Variants in ELMO1 observed in about 807,000 individuals in gnomAD.
ELMO1 encodes engulfment and cell motility protein 1.
ELMO1 carries 26 observed loss-of-function variants against 98.9 expected under a neutral mutation model. The ratio of observed to expected loss-of-function variants is 0.26; its 90% CI spans 0.19 to 0.36. The LOEUF (loss-of-function observed/expected upper bound fraction) is 0.36. Ranked by LOEUF, ELMO1 falls within the 10% of genes least tolerant of loss-of-function variation. ELMO1 has a pLI of 1.00. For missense variants in ELMO1, 627 were observed against 935.2 expected (o/e 0.67, Z 4.30); for synonymous variants, 346 against 346.0 (o/e 1.00, Z 0.00).
chr7:36,864,915 G>A (rs973896572), intron 20 of ELMO1, among the ~76,000 whole-genome samples: 1 of 152,206 alleles, frequency 6.6e-6, no homozygotes, highest in African/African-American at 2.4e-5. Context: ...CTGAGTCCTA[G>A]GGAGAGTGGA....
At chr7:37,273,719 G>A (rs1433590872) in intron 4 of ELMO1, among the ~76,000 whole-genome samples, 3 of 152,044 alleles carry the variant, frequency 2.0e-5, no homozygotes, top group African/African-American at 7.3e-5. Flanking sequence ...CTGAAGTTGG[G>A]GGTTAATAAA....
intron 13 of ELMO1, among the ~76,000 whole-genome samples, chr7:37,173,577 C>G (rs964541087): frequency 7.2e-5 from 11 of 152,178 alleles, no homozygotes; most frequent in Non-Finnish European, 1.6e-4. Flanking sequence ...AATAAGTGAG[C>G]CTAAAGGGGT....
At chr7:37,383,724 C>T (rs772037617) in intron 1 of ELMO1, among the ~76,000 whole-genome samples, 5 of 151,952 alleles carry the variant, frequency 3.3e-5, no homozygotes, top group African/African-American at 7.3e-5. Context: ...AACTATGTTA[C>T]GGGAAAAGAG....
In ELMO1 at chr7:37,124,403, A is replaced by G. The variant is rs566795936; in HGVS notation, c.1191+8727T>C. Among the ~76,000 whole-genome samples, 10 of 152,290 alleles carry G rather than the reference A, an allele frequency of 6.6e-5. No individual in the cohort carries two copies. In the South Asian group the frequency reaches 2.1e-3, roughly 32 times the overall value. On this transcript the variant is annotated intron_variant, in intron 14 of 21. Transcript: ENST00000310758. ...AGAAAACCCCATCATCTCAGCCCAA[A>G]ATCTCCTTAAGCTGATAGGCAACTT...
intron 1 of ELMO1, among the ~76,000 whole-genome samples, chr7:37,377,027 C>G (rs942102468): frequency 7.2e-5 from 11 of 152,108 alleles, no homozygotes; most frequent in Admixed American, 4.6e-4. Flanking sequence ...TATACCTAAC[C>G]TACAGGACAT....
intron 14 of ELMO1, among the ~76,000 whole-genome samples, chr7:37,118,625 T>A (rs1358022463): frequency 6.6e-6 from 1 of 152,178 alleles, no homozygotes; most frequent in Admixed American, 6.5e-5. Context: ...TCAACTCAAA[T>A]GGTTGAAGCA....
rs558736716 is a variant in ELMO1, at chr7:37,168,820, A to G, written c.1087-35586T>C. 6.6e-3 allele frequency among the ~76,000 whole-genome samples: 1,007 copies of G among 152,300 alleles called. 6 individuals carry two copies. The highest frequency in any genetic ancestry group is 0.011 in the Non-Finnish European group (715 of 68,028). On this transcript the variant is annotated intron_variant, in intron 13 of 21. Coordinates refer to ENST00000310758, the MANE Select transcript of ELMO1 (RefSeq NM_014800.11). Reference sequence around the variant, plus strand: ...ACCCACTTGAGGAGGCAGTCTGCCCATTCTCAGATCTCCAGCTGCGTGCTG... The same window carrying G: ...ACCCACTTGAGGAGGCAGTCTGCCCGTTCTCAGATCTCCAGCTGCGTGCTG...
At chr7:37,152,031 G>A (rs997802574) in intron 13 of ELMO1, among the ~76,000 whole-genome samples, 1 of 152,182 alleles carries the variant, frequency 6.6e-6, no homozygotes, top group Non-Finnish European at 1.5e-5. Context: ...TAACCTTGAT[G>A]AAGGATGAAA....
At chr7:36,972,893 G>C (rs1447160328) in intron 16 of ELMO1, among the ~76,000 whole-genome samples, 1 of 152,092 alleles carries the variant, frequency 6.6e-6, no homozygotes, top group Non-Finnish European at 1.5e-5. Context: ...CGATTCTCCT[G>C]CCTCAGCCTC....
chr7:37,155,404 A>G (rs905880615), intron 13 of ELMO1, among the ~76,000 whole-genome samples: 3 of 150,966 alleles, frequency 2.0e-5, no homozygotes, highest in Non-Finnish European at 4.4e-5. Flanking sequence ...GGTATGCTGT[A>G]TTCAGGAGAC....
At chr7:37,446,923 C>T (rs1320878067) in intron 1 of ELMO1, among the ~76,000 whole-genome samples, 1 of 152,176 alleles carries the variant, frequency 6.6e-6, no homozygotes, top group African/African-American at 2.4e-5. Context: ...AAGAGTAAAG[C>T]TTCAAAAGGT....
intron 21 of ELMO1, among the ~76,000 whole-genome samples, chr7:36,858,226 C>T (rs1451971895): frequency 1.3e-5 from 2 of 152,124 alleles, no homozygotes; most frequent in African/African-American, 2.4e-5. Context: ...TTATATATCC[C>T]TTTAATAAAG....
At chr7:37,120,778 T>C (rs79787929) in intron 14 of ELMO1, among the ~76,000 whole-genome samples, 1 of 152,146 alleles carries the variant, frequency 6.6e-6, no homozygotes, top group Admixed American at 6.5e-5. Flanking sequence ...AAGAGAGTAG[T>C]GGTTCTCCCA....
At chr7:37,219,119 T>G (rs541772756) in intron 10 of ELMO1, among the ~76,000 whole-genome samples, 1 of 152,254 alleles carries the variant, frequency 6.6e-6, no homozygotes, top group African/African-American at 2.4e-5. Flanking sequence ...GAGAATCTCC[T>G]ACATCCCAGA....
At chr7:37,444,435 GAA>G (rs1805527958) in intron 1 of ELMO1, among the ~76,000 whole-genome samples, 2 of 152,204 alleles carry the variant, frequency 1.3e-5, no homozygotes. Context: ...TCACTAAAGT[GAA>G]AAGCATGTCA....
intron 13 of ELMO1, among the ~76,000 whole-genome samples, chr7:37,173,334 G>T (rs550899351): frequency 5.9e-5 from 9 of 152,190 alleles, no homozygotes; most frequent in Admixed American, 3.3e-4. Flanking sequence ...ACCATGTGAG[G>T]TTCCAAGAAA....
chr7:36,855,415 G>T lies in ELMO1; in HGVS notation c.*136C>A. 1 of 1,123,560 alleles carries T rather than the reference G, an allele frequency of 8.9e-7. No individual in the cohort carries two copies. Among genetic ancestry groups the T allele is most frequent in the Non-Finnish European group, 1.3e-6 (1 of 765,002 alleles). 69.6% of individuals were successfully genotyped at this position (1,123,560 alleles called of 1,614,324 possible). On this transcript the variant is annotated 3_prime_UTR_variant, in exon 22 of 22. Coordinates refer to ENST00000310758, the MANE Select transcript of ELMO1 (RefSeq NM_014800.11). The surrounding 1 kb of genome is among the most constrained non-coding windows in gnomAD (Gnocchi z 4.2). ...GGGCTGAAAGTTGCCAGGGCTAGAG[G>T]TGATGCTGAAGGGAATGTGGACCCA...
In ELMO1 at chr7:37,443,389, G is replaced by A. The variant is rs139783879; in HGVS notation, c.-74+5286C>T. 1.5e-3 allele frequency among the ~76,000 whole-genome samples: 235 copies of A among 152,228 alleles called. 3 individuals carry two copies. The highest frequency in any genetic ancestry group is 5.2e-3 in the African/African-American group (218 of 41,524). ...TGGAAATCAGTGTTTGTGGGGGCCC[G>A]GAACACTGAGAATCGTCTCCTTCTA... On this transcript the variant is annotated intron_variant, in intron 1 of 21. Coordinates refer to ENST00000310758, the MANE Select transcript of ELMO1 (RefSeq NM_014800.11).
At chr7:37,323,094 T>A (rs1480138677) in intron 2 of ELMO1, among the ~76,000 whole-genome samples, 1 of 152,132 alleles carries the variant, frequency 6.6e-6, no homozygotes, top group African/African-American at 2.4e-5. Context: ...TTCCCAACAA[T>A]GAGGTCATCT....
Sources: gnomAD v4.1 joint callset for allele counts (sites outside exome capture counted in the v4.1 genomes callset) on GRCh38, gnomAD v4.1.1 for gene constraint, Gnocchi (gnomAD v3.1) non-coding constraint, MANE v1.5 for transcripts, NCBI Gene and HGNC (gene_info 2026-07-23, HGNC 2026-07-21) for gene names.